FGF14: variants seen among roughly 807,000 people sequenced by gnomAD.
The protein encoded by FGF14 is fibroblast growth factor 14, also known as fibroblast growth factor homologous factor 4.
In FGF14, 5 loss-of-function variants were observed where a neutral mutation model predicts 25.5. The observed-to-expected ratio is 0.20, with a 90% CI of 0.10 to 0.41. The LOEUF is 0.41. FGF14 is among the 10% of genes least tolerant of loss of function. FGF14 has a pLI of 1.00. For synonymous variants in FGF14, 138 were observed against 118.3 expected, an observed-to-expected ratio of 1.17 and a Z score of -1.08; for missense variants, 222 against 320.1, an observed-to-expected ratio of 0.69 and a Z score of 2.34.
chr13:101,961,818 C>A (rs1347391477), intron 1 of FGF14, among the ~76,000 whole-genome samples: 1 of 152,196 alleles, frequency 6.6e-6, no homozygotes, highest in Admixed American at 6.5e-5. Context: ...GAGGCCTCCC[C>A]AGTCCTGTGA....
At chr13:101,937,116 G>T (rs1449502123) in intron 1 of FGF14, among the ~76,000 whole-genome samples, 4 of 152,170 alleles carry the variant, frequency 2.6e-5, no homozygotes, top group Non-Finnish European at 4.4e-5. Flanking sequence ...GGACATTCCA[G>T]ACTTGAAACC....
Position 101,717,900 on chromosome 13 carries a change from C to T in FGF14, c.*4931G>A, listed in dbSNP as rs2034786909. 6.6e-6 allele frequency: 1 copy of T among 152,046 alleles called. No individual in the cohort carries two copies. The highest frequency in any genetic ancestry group is 6.6e-5 in the Admixed American group (1 of 15,254). 9.4% of individuals were successfully genotyped at this position (152,046 alleles called of 1,614,324 possible). On this transcript the variant is annotated 3_prime_UTR_variant, in exon 5 of 5. Coordinates refer to ENST00000376143, the MANE Select transcript of FGF14 (RefSeq NM_004115.4). ...TGTATGTTATTATCCTTTTTATTAA[C>T]AACAACAACTACAACAAAAGTGCTG...
intron 1 of FGF14, among the ~76,000 whole-genome samples, chr13:102,005,327 T>A (rs1362649613): frequency 1.3e-5 from 2 of 152,222 alleles, no homozygotes; most frequent in Non-Finnish European, 2.9e-5. Context: ...AATTACAGCA[T>A]TCTCTATGCA....
chr13:102,321,716 A>C (rs1055306957), intron 1 of FGF14, among the ~76,000 whole-genome samples: 6 of 152,200 alleles, frequency 3.9e-5, no homozygotes, highest in Admixed American at 3.3e-4. Context: ...AAATACAACA[A>C]AACTAGATTC....
chr13:101,843,355 G>A (rs1235944476), intron 3 of FGF14, among the ~76,000 whole-genome samples: 1 of 151,966 alleles, frequency 6.6e-6, no homozygotes, highest in East Asian at 1.9e-4. Context: ...ACAGCAAAGT[G>A]TAGTCACTGT....
chr13:101,831,738 T>G (rs1327303031), intron 3 of FGF14, among the ~76,000 whole-genome samples: 1 of 152,110 alleles, frequency 6.6e-6, no homozygotes, highest in Non-Finnish European at 1.5e-5. Flanking sequence ...AGCTAGAAAG[T>G]TGATAGATCA....
chr13:101,808,562 C>T (rs1241419931), intron 3 of FGF14, among the ~76,000 whole-genome samples: 1 of 152,054 alleles, frequency 6.6e-6, no homozygotes, highest in East Asian at 1.9e-4. Flanking sequence ...GACAAAACAG[C>T]TTTTGCTAAC....
At chr13:101,808,559 C>T (rs1041789654) in intron 3 of FGF14, among the ~76,000 whole-genome samples, 69 of 152,058 alleles carry the variant, frequency 4.5e-4, no homozygotes, top group African/African-American at 1.6e-3. Context: ...AATGACAAAA[C>T]AGCTTTTGCT....
In FGF14 at chr13:102,349,832, C is replaced by T. The variant is rs557200652; in HGVS notation, c.208+51639G>A. ...CACTATATGGGAAATTGTGGTGCAA[C>T]AAATCTATAAATATTTTTCAAATAT... On this transcript the variant is annotated intron_variant, in intron 1 of 4. Transcript: ENST00000376131. Among the ~76,000 whole-genome samples, 3 of 152,106 alleles carry T rather than the reference C, an allele frequency of 2.0e-5. No homozygotes were observed. In the East Asian group the frequency reaches 5.8e-4, roughly 29 times the overall value.
chr13:102,120,996 G>A (rs1053646772), intron 1 of FGF14, among the ~76,000 whole-genome samples: 1 of 152,138 alleles, frequency 6.6e-6, no homozygotes, highest in African/African-American at 2.4e-5. Flanking sequence ...GAGCCACCGC[G>A]CCCGGCCGAA....
intron 3 of FGF14, among the ~76,000 whole-genome samples, chr13:101,789,105 T>A (rs140683983): frequency 6.6e-6 from 1 of 151,808 alleles, no homozygotes; most frequent in Non-Finnish European, 1.5e-5. Flanking sequence ...CACAGATGTC[T>A]CTGATTTTAG....
chr13:102,359,133 A>T (rs985928916), intron 1 of FGF14, among the ~76,000 whole-genome samples: 2 of 152,102 alleles, frequency 1.3e-5, no homozygotes, highest in African/African-American at 2.4e-5. Flanking sequence ...ACACATTGGC[A>T]CAGGGAAGGG....
intron 1 of FGF14, chr13:102,401,461 T>C (rs779086432): frequency 1.2e-6 from 2 of 1,613,400 alleles, no homozygotes; most frequent in South Asian, 2.2e-5. Context: ...ATGATGCATG[T>C]TTCGCTTACC....
intron 1 of FGF14, among the ~76,000 whole-genome samples, chr13:101,908,205 T>G (rs1377463963): frequency 1.3e-5 from 2 of 152,162 alleles, no homozygotes; most frequent in Non-Finnish European, 2.9e-5. Context: ...GTAGGACCAA[T>G]GTGTCTGCGT....
chr13:101,961,799 A>C (rs970347532), intron 1 of FGF14, among the ~76,000 whole-genome samples: 8 of 152,152 alleles, frequency 5.3e-5, no homozygotes, highest in Non-Finnish European at 1.0e-4. Context: ...GAATCATTAT[A>C]AGTTTCCTGA....
At chr13:101,977,940 T>TA (rs10708269) in intron 1 of FGF14, among the ~76,000 whole-genome samples, 10,506 of 137,788 alleles carry the variant, frequency 0.076, 651 homozygotes, top group African/African-American at 0.19. Context: ...TTTCTCAATG[T>TA]AAAAAAAAAA....
chr13:102,305,444 T>C (rs1010334084), intron 1 of FGF14, among the ~76,000 whole-genome samples: 2 of 152,092 alleles, frequency 1.3e-5, no homozygotes, highest in African/African-American at 4.8e-5. Flanking sequence ...TAGAAACAGA[T>C]GCACAATACA....
At chr13:102,248,914 G>C (rs533507843) in intron 1 of FGF14, among the ~76,000 whole-genome samples, 3 of 152,120 alleles carry the variant, frequency 2.0e-5, no homozygotes, top group African/African-American at 7.2e-5. Context: ...AAGGGAGCAG[G>C]AGGAGTCCAA....
intron 1 of FGF14, among the ~76,000 whole-genome samples, chr13:102,063,185 C>T (rs1566637026): frequency 6.6e-6 from 1 of 152,000 alleles, no homozygotes; most frequent in South Asian, 2.1e-4. Flanking sequence ...GACTGTAGGA[C>T]AAAATTTAGA....
Sources: gnomAD v4.1 joint callset for allele counts (sites outside exome capture counted in the v4.1 genomes callset) on GRCh38, gnomAD v4.1.1 for gene constraint, MANE v1.5 for transcripts, NCBI Gene and HGNC (gene_info 2026-07-23, HGNC 2026-07-21) for gene names.